PHLDB1: variants seen among roughly 807,000 people sequenced by gnomAD.
PHLDB1 encodes pleckstrin homology-like domain family B member 1.
A neutral mutation model predicts 139.3 loss-of-function variants in PHLDB1; 65 were observed. The observed-to-expected ratio is 0.47, with a 90% CI of 0.38 to 0.57. The LOEUF is 0.57. PHLDB1 is among the 20% of genes least tolerant of loss of function. The probability of loss-of-function intolerance (pLI) is 0.00; values close to 1 mark genes in which losing one functional copy is unlikely to be tolerated. For synonymous variants in PHLDB1, 679 were observed against 734.5 expected (o/e 0.92, Z 1.22); for missense variants, 1,624 against 1,839.7 (o/e 0.88, Z 2.14).
In PHLDB1 at chr11:118,631,939, C is replaced by T. The variant is rs1555111120; in HGVS notation, c.2127C>T (p.Leu709=). The T allele has an allele frequency of 6.2e-7, 1 of 1,613,858 alleles. No homozygotes were observed. The part of the protein sequence containing the change: ...QEHEDAPSTK[L]QGEVLALEEE... ...ACGAAGATGCACCTAGCACCAAGCT[C>T]CAGGGAGAGGTGCTAGCCCTGGAAG... is the stretch of plus-strand genomic sequence containing the variant. The change falls in exon 8 of 23, where the codon CTC becomes CTT. Residue 709 remains leucine (L), a synonymous_variant. Transcript: ENST00000600882.
At chr11:118,609,349 C>T (rs1939721738) in intron 1 of PHLDB1, among the ~76,000 whole-genome samples, 1 of 149,446 alleles carries the variant, frequency 6.7e-6, no homozygotes, top group South Asian at 2.1e-4. Context: ...CACAGCCCAT[C>T]ACACACACAG....
chr11:118,640,933 C>T (rs1053983692), intron 12 of PHLDB1: 3 of 152,318 alleles, frequency 2.0e-5, no homozygotes, highest in Non-Finnish European at 4.4e-5. Flanking sequence ...TTCTGCTGCC[C>T]TTTTCTGGTC....
chr11:118,639,106 C>A, intron 11 of PHLDB1, 56 bp from the exon 12 acceptor site: 1 of 1,573,570 alleles, frequency 6.4e-7, no homozygotes, highest in Non-Finnish European at 8.7e-7. Context: ...CAGGGCCCCC[C>A]TCACACAGTC....
Position 118,610,751 on chromosome 11 carries a change from G to A in PHLDB1, c.-22+3052G>A, listed in dbSNP as rs1555083230. ...AGAGTTCACTCTGGGTGCTCCACTC[G>A]GCGGAGAGGGCTTCAGACTGGTGTC... On this transcript the variant is annotated intron_variant, in intron 1 of 22. Coordinates refer to ENST00000600882, the MANE Select transcript of PHLDB1 (RefSeq NM_001144758.3). The surrounding 1 kb of genome is among the most constrained non-coding windows in gnomAD (Gnocchi z 8.7). Among the ~76,000 whole-genome samples, 1 of 152,158 alleles carries A rather than the reference G, an allele frequency of 6.6e-6. No homozygotes were observed. Among genetic ancestry groups the A allele is most frequent in the African/African-American group, 2.4e-5 (1 of 41,448 alleles).
Position 118,632,220 on chromosome 11 carries a change from A to C in PHLDB1, c.2303A>C (p.Lys768Thr). The stretch of plus-strand genomic sequence containing the variant: ...GAGGCAGAGCGGGCACTGCTGCAGA[A>C]GGAGCAGAAGGCAGTGGATCAGCTG... Reference protein sequence around the residue: ...EREAERALLQKEQKAVDQLQE... With the variant: ...EREAERALLQTEQKAVDQLQE... The change falls in exon 9 of 23, where the codon AAG becomes ACG. Residue 768 changes from lysine to threonine, a missense_variant. Coordinates refer to ENST00000600882, the MANE Select transcript of PHLDB1 (RefSeq NM_001144758.3). This position sits in a 1 kb window ranked among gnomAD's most constrained non-coding sequence, Gnocchi z 5.9. The C allele has an allele frequency of 6.2e-7, 1 of 1,614,104 alleles. No homozygotes were observed. The highest frequency in any genetic ancestry group is 8.5e-7 in the Non-Finnish European group (1 of 1,180,008).
rs1290780407 is a variant in PHLDB1, at chr11:118,610,540, A to G, written c.-22+2841A>G. 2 of 946,054 alleles carry G rather than the reference A, an allele frequency of 2.1e-6. No homozygotes were observed. Among genetic ancestry groups the G allele is most frequent in the Middle Eastern group, 5.3e-4 (1 of 1,876 alleles). The allele number at this position is 946,054 out of a possible 1,614,324, so 58.6% of individuals were successfully genotyped here. A position where few individuals can be genotyped will look rare whatever the true frequency, so the allele number is the denominator to read the frequency against. On this transcript the variant is annotated intron_variant, in intron 1 of 22. Coordinates refer to ENST00000600882, the MANE Select transcript of PHLDB1 (RefSeq NM_001144758.3). The surrounding 1 kb of genome is among the most constrained non-coding windows in gnomAD (Gnocchi z 8.7). ...CCAGGGACACAGGTGAGGCCGGGCG[A>G]CCCGCGGGGCTCCGGGGAGCGCCCG...
At chr11:118,643,164 G>A (rs1008421116) in intron 13 of PHLDB1, among the ~76,000 whole-genome samples, 2 of 152,204 alleles carry the variant, frequency 1.3e-5, no homozygotes, top group Non-Finnish European at 2.9e-5. Context: ...AGATTTTAAC[G>A]TGTTTTGATT....
Position 118,650,225 on chromosome 11 carries a change from G to A in PHLDB1, c.3771+32G>A. 1.3e-6 allele frequency: 2 copies of A among 1,519,438 alleles called. No homozygotes were observed. The highest frequency in any genetic ancestry group is 1.8e-6 in the Non-Finnish European group (2 of 1,093,782). 94.1% of individuals were successfully genotyped at this position (1,519,438 alleles called of 1,614,324 possible). On this transcript the variant is annotated intron_variant, in intron 19 of 22. Transcript: ENST00000600882. The surrounding 1 kb of genome is among the most constrained non-coding windows in gnomAD (Gnocchi z 4.7). Reference sequence around the variant, plus strand: ...GGCGTGTGTGGCCCTGGGGTGCTGGGGAGAGGGAGAATCCCGTGGTGAGAG... The same window carrying A: ...GGCGTGTGTGGCCCTGGGGTGCTGGAGAGAGGGAGAATCCCGTGGTGAGAG...
intron 4 of PHLDB1, among the ~76,000 whole-genome samples, chr11:118,616,899 G>A (rs1941760149): frequency 6.6e-6 from 1 of 152,084 alleles, no homozygotes; most frequent in African/African-American, 2.4e-5. Flanking sequence ...ACAAAAATTA[G>A]CCACACGTGG....
chr11:118,646,332 A>G (rs534146445), intron 17 of PHLDB1: 12 of 153,984 alleles, frequency 7.8e-5, no homozygotes, highest in African/African-American at 2.7e-4. Flanking sequence ...TTTGATTACA[A>G]CTTCATAGCT....
chr11:118,644,277 A>G (rs1462654172), intron 15 of PHLDB1, 103 bp downstream of exon 15: 5 of 802,446 alleles, frequency 6.2e-6, no homozygotes, highest in Admixed American at 2.2e-5. Context: ...TTTTCCTTTA[A>G]TTGGGATCTA....
intron 3 of PHLDB1, 142 bp from the exon 4 acceptor site, chr11:118,615,898 GC>G: frequency 1.5e-6 from 1 of 663,312 alleles, no homozygotes; most frequent in Non-Finnish European, 2.6e-6. Context: ...AGGCTCAGGG[GC>G]CTAGTAGGGG....
chr11:118,612,306 G>A (rs1330139605), intron 1 of PHLDB1, among the ~76,000 whole-genome samples: 1 of 152,098 alleles, frequency 6.6e-6, no homozygotes, highest in Non-Finnish European at 1.5e-5. Flanking sequence ...AAAGGATGAT[G>A]TTTCTCCTTC....
At chr11:118,641,713 C>G in intron 12 of PHLDB1, 1 of 1,289,804 alleles carries the variant, frequency 7.8e-7, no homozygotes, top group Non-Finnish European at 1.0e-6. Flanking sequence ...CTCCCGGGAC[C>G]TGGTTCCCAC....
At chr11:118,646,042 C>T (rs1947449811) in intron 17 of PHLDB1, among the ~76,000 whole-genome samples, 1 of 152,230 alleles carries the variant, frequency 6.6e-6, no homozygotes, top group East Asian at 1.9e-4. Context: ...AGGCGGATCA[C>T]GAGGTCAGGA....
At chr11:118,613,644 C>T in intron 1 of PHLDB1, 172 bp from the exon 2 acceptor site, 1 of 581,144 alleles carries the variant, frequency 1.7e-6, no homozygotes, top group Admixed American at 3.1e-5. Flanking sequence ...GCACTGCTCC[C>T]AGACAACTCC....
At chr11:118,621,406 C>T (rs1185587112) in intron 4 of PHLDB1, 1 of 152,200 alleles carries the variant, frequency 6.6e-6, no homozygotes, top group Non-Finnish European at 1.5e-5. Flanking sequence ...CTGCTCGCTG[C>T]CTCGCTGCTC....
intron 20 of PHLDB1, chr11:118,653,582 T>C (rs782086484): frequency 5.3e-5 from 8 of 152,242 alleles, no homozygotes; most frequent in Admixed American, 6.5e-5. Flanking sequence ...ATGGGGTTCC[T>C]AGCCATGCCT....
intron 20 of PHLDB1, chr11:118,652,466 A>T (rs1948481085): frequency 6.6e-6 from 1 of 152,266 alleles, no homozygotes; most frequent in Admixed American, 6.5e-5. Flanking sequence ...TAATAGTAAT[A>T]GCAGATCACC....
Sources: gnomAD v4.1 joint callset for allele counts (sites outside exome capture counted in the v4.1 genomes callset) on GRCh38, gnomAD v4.1.1 for gene constraint, Gnocchi (gnomAD v3.1) non-coding constraint, MANE v1.5 for transcripts, NCBI Gene and HGNC (gene_info 2026-07-23, HGNC 2026-07-21) for gene names.